The following SDK1 variants were observed in gnomAD, a reference collection of about 807,000 sequenced individuals.
SDK1 encodes the protein sidekick cell adhesion molecule 1.
Under a neutral mutation model 245.5 loss-of-function variants are expected in SDK1, and 157 were observed. The observed-to-expected ratio is 0.64, with a 90% CI of 0.56 to 0.73. SDK1 has a LOEUF of 0.73. SDK1 is among the 30% of genes least tolerant of loss of function. SDK1 has a pLI of 0.00. For missense variants in SDK1, 3,583 were observed against 3,002.3 expected, an observed-to-expected ratio of 1.19 and a Z score of -4.52; for synonymous variants, 1,647 against 1,278.5, an observed-to-expected ratio of 1.29 and a Z score of -6.15.
chr7:3,474,915 C>T (rs941487967), intron 1 of SDK1, among the ~76,000 whole-genome samples: 3 of 152,116 alleles, frequency 2.0e-5, no homozygotes, highest in Non-Finnish European at 4.4e-5. Context: ...TGGTATTGAA[C>T]TCCTGGGCTC....
At chr7:4,204,227 ATTAACT>A (rs1204781087) in intron 35 of SDK1, among the ~76,000 whole-genome samples, 2 of 152,262 alleles carry the variant, frequency 1.3e-5, no homozygotes, top group East Asian at 1.9e-4. Context: ...TGCAAAAGAC[ATTAACT>A]TTATTTATGT....
intron 1 of SDK1, among the ~76,000 whole-genome samples, chr7:3,580,799 TC>T (rs1403629273): frequency 6.6e-6 from 1 of 151,516 alleles, no homozygotes; most frequent in Non-Finnish European, 1.5e-5. Context: ...AAACCCCATT[TC>T]CACTAAAAAT....
At chr7:3,386,032 T>C (rs896824015) in intron 1 of SDK1, among the ~76,000 whole-genome samples, 5 of 152,182 alleles carry the variant, frequency 3.3e-5, no homozygotes, top group African/African-American at 9.7e-5. Context: ...TTTTCACTCG[T>C]TAGTAATATT....
intron 4 of SDK1, among the ~76,000 whole-genome samples, chr7:3,672,427 C>G (rs1174205124): frequency 6.6e-6 from 1 of 151,020 alleles, no homozygotes; most frequent in East Asian, 2.0e-4. Flanking sequence ...ACTTCTACTG[C>G]AAACTCTTGA....
chr7:3,918,269 C>T (rs1473066548), intron 5 of SDK1, among the ~76,000 whole-genome samples: 1 of 152,200 alleles, frequency 6.6e-6, no homozygotes, highest in Non-Finnish European at 1.5e-5. Flanking sequence ...AACCAGGCTG[C>T]ACAGCAGCAG....
intron 1 of SDK1, among the ~76,000 whole-genome samples, chr7:3,545,975 T>TTA (rs1779213301): frequency 6.6e-6 from 1 of 152,234 alleles, no homozygotes; most frequent in African/African-American, 2.4e-5. Flanking sequence ...AAGAAAGACT[T>TTA]TAGTAACCTA....
chr7:4,171,096 T>C (rs1484600589), intron 32 of SDK1, among the ~76,000 whole-genome samples: 1 of 152,214 alleles, frequency 6.6e-6, no homozygotes, highest in Non-Finnish European at 1.5e-5. Context: ...TCCTGGCAAG[T>C]TGAGTAGTGC....
At chr7:4,206,499 G>T (rs1784234660) in intron 36 of SDK1, among the ~76,000 whole-genome samples, 1 of 152,232 alleles carries the variant, frequency 6.6e-6, no homozygotes, top group African/African-American at 2.4e-5. Flanking sequence ...CAGATGTGAG[G>T]TCCCTGGGAA....
chr7:3,623,172 G>A (rs1007267804), intron 2 of SDK1, among the ~76,000 whole-genome samples: 1 of 151,300 alleles, frequency 6.6e-6, no homozygotes, highest in African/African-American at 2.4e-5. Flanking sequence ...ACTTTTTCTA[G>A]CTTTGACTTA....
chr7:4,162,540 C>T (rs1318128755), intron 32 of SDK1, among the ~76,000 whole-genome samples: 2 of 152,040 alleles, frequency 1.3e-5, no homozygotes, highest in Non-Finnish European at 2.9e-5. Flanking sequence ...GCTGGGATTA[C>T]AGGCGCATGC....
intron 5 of SDK1, among the ~76,000 whole-genome samples, chr7:3,827,729 A>G (rs1779811937): frequency 6.6e-6 from 1 of 152,166 alleles, no homozygotes; most frequent in Non-Finnish European, 1.5e-5. Context: ...CTTTCAGGCC[A>G]TGTGTTTAAG....
chr7:3,320,657 G>A (rs1036645418), intron 1 of SDK1, among the ~76,000 whole-genome samples: 8 of 152,094 alleles, frequency 5.3e-5, no homozygotes, highest in African/African-American at 1.9e-4. Flanking sequence ...CAGTTGCCCT[G>A]TTTTAATATT....
intron 11 of SDK1, 135 bp from the exon 12 acceptor site, chr7:3,971,331 C>A: frequency 1.5e-6 from 1 of 658,574 alleles, no homozygotes; most frequent in Admixed American, 2.2e-5. Context: ...GAGAGTGATC[C>A]ATTTACACTC....
At chr7:4,012,039 G>GC in intron 15 of SDK1, 56 bp from the exon 16 acceptor site, 18 of 1,335,174 alleles carry the variant, frequency 1.3e-5, no homozygotes, top group Non-Finnish European at 1.8e-5. Context: ...ATGCAAATGG[G>GC]CCCCCGCTGT....
chr7:4,268,377 A>G lies in SDK1; in HGVS notation c.*2993A>G. On this transcript the variant is annotated 3_prime_UTR_variant, in exon 45 of 45. Transcript: ENST00000404826. ...CACCCCCTCGGCCTCCTGCACGGCC[A>G]CCTTCTGGGTGAATCGGTCCAGCCC... 2 of 1,056,626 alleles carry G rather than the reference A, an allele frequency of 1.9e-6. No individual in the cohort carries two copies. Among genetic ancestry groups the G allele is most frequent in the Non-Finnish European group, 2.3e-6 (2 of 870,010 alleles). 65.5% of individuals were successfully genotyped at this position (1,056,626 alleles called of 1,614,324 possible).
chr7:3,951,552 A>G (rs58205148), intron 6 of SDK1, among the ~76,000 whole-genome samples, 178 bp from the exon 7 acceptor site: 8,176 of 152,286 alleles, frequency 0.054, 720 homozygotes, highest in African/African-American at 0.18. Context: ...TGCATCGTCA[A>G]TGCGTGCTGG....
At chr7:4,144,192 C>G (rs1471843995) in intron 28 of SDK1, among the ~76,000 whole-genome samples, 1 of 152,122 alleles carries the variant, frequency 6.6e-6, no homozygotes, top group Admixed American at 6.5e-5. Context: ...AGGCTGCCCT[C>G]GGTCAGTCAG....
intron 30 of SDK1, among the ~76,000 whole-genome samples, chr7:4,149,673 C>T (rs1018162874): frequency 3.9e-5 from 6 of 152,176 alleles, no homozygotes; most frequent in Admixed American, 1.3e-4. Flanking sequence ...AGCCGCTTCC[C>T]GGAGTCTGCT....
chr7:3,519,137 G>C (rs1319094038), intron 1 of SDK1, among the ~76,000 whole-genome samples: 3 of 152,058 alleles, frequency 2.0e-5, no homozygotes, highest in Non-Finnish European at 2.9e-5. Flanking sequence ...GAATAGGAGG[G>C]TTGAAGGAAG....
Sources: gnomAD v4.1 joint callset for allele counts (sites outside exome capture counted in the v4.1 genomes callset) on GRCh38, gnomAD v4.1.1 for gene constraint, MANE v1.5 for transcripts, NCBI Gene and HGNC (gene_info 2026-07-23, HGNC 2026-07-21) for gene names.